The following PSTPIP2 variants were observed in gnomAD, a reference collection of about 807,000 sequenced individuals.
PSTPIP2 encodes proline-serine-threonine phosphatase interacting protein 2.
In PSTPIP2, 33 loss-of-function variants were observed where a neutral mutation model predicts 63.3. The ratio of observed to expected loss-of-function variants is 0.52; its 90% CI spans 0.40 to 0.70. The LOEUF is 0.70. Ranked by LOEUF, PSTPIP2 falls within the 30% of genes least tolerant of loss-of-function variation. The pLI is 0.00. For synonymous variants in PSTPIP2, 125 were observed against 132.7 expected (o/e 0.94, Z 0.40); for missense variants, 312 against 400.7 (o/e 0.78, Z 1.89).
At chr18:46,029,648 C>T (rs935600169) in intron 2 of PSTPIP2, 6 of 742,924 alleles carry the variant, frequency 8.1e-6, no homozygotes, top group Non-Finnish European at 1.5e-5. Flanking sequence ...ACATTCAATC[C>T]TACTACAGAA....
intron 1 of PSTPIP2, among the ~76,000 whole-genome samples, chr18:46,047,213 C>G (rs1412987827): frequency 1.3e-5 from 2 of 152,144 alleles, no homozygotes; most frequent in African/African-American, 4.8e-5. Flanking sequence ...TGTTTACTTA[C>G]CACTCTATGA....
chr18:46,027,163 C>T (rs1013613429), intron 2 of PSTPIP2, among the ~76,000 whole-genome samples: 7 of 151,754 alleles, frequency 4.6e-5, no homozygotes, highest in Non-Finnish European at 7.4e-5. Flanking sequence ...GGCATGGTGG[C>T]GCATGCCTGC....
chr18:45,994,481 G>C (rs2051572201), intron 9 of PSTPIP2, among the ~76,000 whole-genome samples: 1 of 152,102 alleles, frequency 6.6e-6, no homozygotes, highest in Admixed American at 6.5e-5. Context: ...TCACTTGGAA[G>C]GTTTATTAGC....
At chr18:46,070,770 T>G (rs565904721) in intron 1 of PSTPIP2, among the ~76,000 whole-genome samples, 138 of 152,236 alleles carry the variant, frequency 9.1e-4, no homozygotes, top group African/African-American at 3.3e-3. Flanking sequence ...TCCTCCTACC[T>G]CGGCCTCCCA....
intron 1 of PSTPIP2, chr18:46,040,266 T>C (rs566840738): frequency 4.8e-6 from 2 of 413,116 alleles, no homozygotes; most frequent in African/African-American, 2.1e-5. Flanking sequence ...TCCAGGTATC[T>C]AGCTAGCCCT....
At chr18:46,015,764 C>A (rs2051846490) in intron 4 of PSTPIP2, 139 bp downstream of exon 4, 1 of 894,716 alleles carries the variant, frequency 1.1e-6, no homozygotes, top group Non-Finnish European at 1.7e-6. Context: ...GCCTGCAGAG[C>A]TTTGTCTCAC....
At chr18:46,011,077 G>A (rs2051790381) in intron 5 of PSTPIP2, 104 bp downstream of exon 5, 1 of 955,442 alleles carries the variant, frequency 1.0e-6, no homozygotes, top group Non-Finnish European at 1.7e-6. Context: ...CTCAGGTCAT[G>A]ATTACATGAT....
intron 1 of PSTPIP2, among the ~76,000 whole-genome samples, chr18:46,064,790 T>C (rs917685070): frequency 6.6e-6 from 1 of 151,980 alleles, no homozygotes; most frequent in Non-Finnish European, 1.5e-5. Context: ...CAGAAATAGA[T>C]ACTTAAAGAA....
chr18:46,002,350 T>C (rs891542250), intron 6 of PSTPIP2, among the ~76,000 whole-genome samples: 2 of 152,184 alleles, frequency 1.3e-5, no homozygotes, highest in African/African-American at 4.8e-5. Flanking sequence ...CCTCACCTTT[T>C]AGTATCACAG....
chr18:46,005,887 G>A (rs1230151530), intron 5 of PSTPIP2, among the ~76,000 whole-genome samples: 1 of 152,148 alleles, frequency 6.6e-6, no homozygotes, highest in Non-Finnish European at 1.5e-5. Flanking sequence ...TTTAAAAGAG[G>A]TCTTTATTCT....
intron 9 of PSTPIP2, 30 bp downstream of exon 9, chr18:45,997,719 C>G (rs752008393): frequency 1.5e-6 from 2 of 1,292,118 alleles, no homozygotes; most frequent in Non-Finnish European, 2.1e-6. Flanking sequence ...CCACCCACCC[C>G]AGTCCTGAGC....
chr18:46,049,049 TGTGTGTGG>T (rs1274353823), intron 1 of PSTPIP2, among the ~76,000 whole-genome samples: 5 of 137,554 alleles, frequency 3.6e-5, no homozygotes, highest in Non-Finnish European at 7.7e-5. Flanking sequence ...TGTGTGTGTG[TGTGTGTGG>T]AGAGAGAGAG....
chr18:46,013,034 T>C (rs1263289670), intron 4 of PSTPIP2, among the ~76,000 whole-genome samples: 2 of 151,914 alleles, frequency 1.3e-5, no homozygotes, highest in Non-Finnish European at 2.9e-5. Flanking sequence ...CAGTGCTTAC[T>C]ATCTTCTTTA....
At chr18:46,066,335 ATAATT>A (rs879649519) in intron 1 of PSTPIP2, among the ~76,000 whole-genome samples, 3 of 152,178 alleles carry the variant, frequency 2.0e-5, no homozygotes, top group Non-Finnish European at 4.4e-5. Context: ...TCAAAAATAA[ATAATT>A]TAATTAAATT....
At chr18:46,049,408 T>A (rs1335446717) in intron 1 of PSTPIP2, among the ~76,000 whole-genome samples, 3 of 151,748 alleles carry the variant, frequency 2.0e-5, no homozygotes, top group Non-Finnish European at 2.9e-5. Flanking sequence ...CAAACCCCCA[T>A]GACACAAGTT....
At chr18:46,002,789 T>C (rs1283223356) in intron 6 of PSTPIP2, among the ~76,000 whole-genome samples, 1 of 150,122 alleles carries the variant, frequency 6.7e-6, no homozygotes, top group Non-Finnish European at 1.5e-5. Flanking sequence ...GACCCCCCCA[T>C]CTCAAAAAAA....
At chr18:46,055,284 T>A (rs1163365054) in intron 1 of PSTPIP2, among the ~76,000 whole-genome samples, 1 of 152,156 alleles carries the variant, frequency 6.6e-6, no homozygotes, top group African/African-American at 2.4e-5. Context: ...GGTAGGTAGA[T>A]AGTGACACCC....
chr18:46,052,036 C>T (rs1396007810), intron 1 of PSTPIP2, among the ~76,000 whole-genome samples: 1 of 152,206 alleles, frequency 6.6e-6, no homozygotes, highest in Non-Finnish European at 1.5e-5. Context: ...AGGCAGGCAA[C>T]TGCCAGGAAG....
rs765084429 is a variant in PSTPIP2 at position 46,011,274 on chromosome 18, C to T, written c.261G>A (p.Val87=). The change falls in exon 5 of 15, where the codon GTG becomes GTA. Residue 87 remains valine, a synonymous_variant. Transcript: ENST00000409746. ...LEVFKQQVDN[V]AQCHIQLAQS... is the part of the protein sequence containing the mutation. ...GTGCAAGCTGAATGTGACATTGTGCCACATTGTCTACTTCTGCAAAAAAGA... is the reference window on the plus strand; with the variant it reads ...GTGCAAGCTGAATGTGACATTGTGCTACATTGTCTACTTCTGCAAAAAAGA... The T allele has an allele frequency of 6.2e-7, 1 of 1,613,196 alleles. No individual in the cohort carries two copies. The highest frequency in any genetic ancestry group is 1.7e-5 in the Admixed American group (1 of 59,976).
Sources: allele counts gnomAD v4.1 joint callset (sites outside exome capture counted in the v4.1 genomes callset), GRCh38; gene constraint gnomAD v4.1.1; transcripts MANE v1.5; gene names NCBI Gene and HGNC (gene_info 2026-07-23, HGNC 2026-07-21).